Variants in GMPR observed in about 807,000 individuals in gnomAD.
The protein encoded by GMPR is guanosine monophosphate reductase, also known as GMP reductase 1.
In GMPR, 31 loss-of-function variants were observed where a neutral mutation model predicts 38.4. The ratio of observed to expected loss-of-function variants is 0.81; its 90% CI spans 0.61 to 1.09. GMPR has a LOEUF of 1.09. Among genes scored for constraint, GMPR ranks in the 50% least tolerant of loss-of-function variants. The pLI, the probability that GMPR is intolerant of heterozygous loss-of-function variation, is 0.00. For synonymous variants in GMPR, 162 were observed against 173.3 expected (o/e 0.93, Z 0.51); for missense variants, 468 against 453.7 (o/e 1.03, Z -0.29).
At chr6:16,282,158 C>T (rs992251973) in intron 6 of GMPR, among the ~76,000 whole-genome samples, 2 of 152,222 alleles carry the variant, frequency 1.3e-5, no homozygotes, top group African/African-American at 4.8e-5. Flanking sequence ...AAGGAAGCCA[C>T]AACATGGTGT....
intron 4 of GMPR, among the ~76,000 whole-genome samples, chr6:16,256,169 T>TCACA (rs976837854): frequency 6.8e-6 from 1 of 146,312 alleles, no homozygotes; most frequent in African/African-American, 2.5e-5. Context: ...TGAGCCGAGA[T>TCACA]CACACCACTG....
At chr6:16,283,287 ATGT>A (rs1349290157) in intron 6 of GMPR, among the ~76,000 whole-genome samples, 4 of 152,322 alleles carry the variant, frequency 2.6e-5, no homozygotes, top group Admixed American at 2.0e-4. Context: ...ACAAGCCCAA[ATGT>A]TGTTGTTTTT....
intron 1 of GMPR, among the ~76,000 whole-genome samples, chr6:16,244,415 G>A (rs527512395): frequency 1.3e-5 from 2 of 152,064 alleles, no homozygotes; most frequent in South Asian, 2.1e-4. Flanking sequence ...GGGTTTCACC[G>A]TGTTGCCCAG....
At chr6:16,269,178 C>T (rs1028384156) in intron 4 of GMPR, among the ~76,000 whole-genome samples, 1 of 151,846 alleles carries the variant, frequency 6.6e-6, no homozygotes, top group Non-Finnish European at 1.5e-5. Flanking sequence ...AAGAGCTGGG[C>T]CCTGTGCTAA....
intron 1 of GMPR, among the ~76,000 whole-genome samples, chr6:16,243,216 A>C (rs1399515926): frequency 6.6e-6 from 1 of 152,242 alleles, no homozygotes. Flanking sequence ...TATGTCCAGC[A>C]CAAAGGTGGT....
chr6:16,288,029 CTTGTT>C (rs1186793742), intron 7 of GMPR, among the ~76,000 whole-genome samples: 1 of 152,224 alleles, frequency 6.6e-6, no homozygotes, highest in Non-Finnish European at 1.5e-5. Flanking sequence ...CTGCTACTGT[CTTGTT>C]CTGTTCTAAA....
chr6:16,239,860 CAT>C (rs1279648854), intron 1 of GMPR, among the ~76,000 whole-genome samples: 1 of 152,242 alleles, frequency 6.6e-6, no homozygotes, highest in Non-Finnish European at 1.5e-5. Context: ...TAAGCAGCAG[CAT>C]TGGCTGGTTT....
At chr6:16,260,800 A>G (rs532376654) in intron 4 of GMPR, among the ~76,000 whole-genome samples, 88 of 151,938 alleles carry the variant, frequency 5.8e-4, no homozygotes, top group South Asian at 1.9e-3. Context: ...GGGGAAATGG[A>G]GTGAATGTCA....
At position 16,293,361 on chromosome 6, in the gene GMPR, C is replaced by T. The variant is rs141313727; in HGVS notation, c.858-1645C>T. ...GTAATTGCAGGCACAAGTGTACAGA[C>T]GCCTGTCTGGGGTCACGGAGTGCTG... On this transcript the variant is annotated intron_variant, in intron 8 of 8. Coordinates refer to ENST00000259727, the MANE Select transcript of GMPR (RefSeq NM_006877.4). Among the ~76,000 whole-genome samples, 334 of 152,312 alleles carry T rather than the reference C, an allele frequency of 2.2e-3. 1 individual carries two copies. The highest frequency in any genetic ancestry group is 3.5e-3 in the Admixed American group (54 of 15,302).
intron 6 of GMPR, among the ~76,000 whole-genome samples, chr6:16,281,486 GTTTTTACT>G (rs1215607745): frequency 6.6e-6 from 1 of 151,886 alleles, no homozygotes; most frequent in Non-Finnish European, 1.5e-5. Context: ...TTTCTTTTTA[GTTTTTACT>G]TTTTTATTTT....
chr6:16,265,812 C>T (rs1338168527), intron 4 of GMPR, among the ~76,000 whole-genome samples: 2 of 152,240 alleles, frequency 1.3e-5, no homozygotes, highest in Admixed American at 6.5e-5. Context: ...CACTCCGGAA[C>T]CCTTCCACGC....
chr6:16,266,143 GAGCTGTAACACTTGCCA>G (rs1759211078), intron 4 of GMPR, among the ~76,000 whole-genome samples: 1 of 126,668 alleles, frequency 7.9e-6, no homozygotes. Context: ...CCATCTTTAA[GAGCTGTAACACTTGCCA>G]TCTTTAAGAG....
chr6:16,244,675 C>T (rs935492146), intron 1 of GMPR, among the ~76,000 whole-genome samples: 4 of 152,020 alleles, frequency 2.6e-5, no homozygotes, highest in African/African-American at 4.8e-5. Flanking sequence ...CTATATTTGG[C>T]GTATTGGCCG....
chr6:16,269,259 C>G (rs1183479936), intron 4 of GMPR, among the ~76,000 whole-genome samples: 1 of 151,998 alleles, frequency 6.6e-6, no homozygotes, highest in Non-Finnish European at 1.5e-5. Flanking sequence ...CATTTTATAG[C>G]AGGATAAATG....
chr6:16,281,969 G>A (rs1759582027), intron 6 of GMPR, among the ~76,000 whole-genome samples: 1 of 152,202 alleles, frequency 6.6e-6, no homozygotes, highest in South Asian at 2.1e-4. Flanking sequence ...AGCAGCCATT[G>A]CCCCCACACT....
intron 4 of GMPR, among the ~76,000 whole-genome samples, chr6:16,268,125 T>G (rs1759304092): frequency 6.6e-6 from 1 of 152,220 alleles, no homozygotes; most frequent in African/African-American, 2.4e-5. Context: ...CAGGCCGTGT[T>G]CCCTGGATTT....
At chr6:16,261,010 A>G (rs550896758) in intron 4 of GMPR, among the ~76,000 whole-genome samples, 2 of 152,130 alleles carry the variant, frequency 1.3e-5, no homozygotes, top group South Asian at 2.1e-4. Context: ...TGAGAAATGT[A>G]GAGAGTAAGT....
At chr6:16,266,449 C>A (rs1759230821) in intron 4 of GMPR, among the ~76,000 whole-genome samples, 1 of 114,484 alleles carries the variant, frequency 8.7e-6, no homozygotes, top group African/African-American at 3.2e-5. Context: ...GGACGTGCCA[C>A]CTTTAAGAGC....
chr6:16,273,454 G>C (rs962997549), intron 4 of GMPR, among the ~76,000 whole-genome samples: 41 of 152,176 alleles, frequency 2.7e-4, no homozygotes, highest in African/African-American at 9.7e-4. Context: ...TGCAGTGAAA[G>C]AGCTTGTACT....
Sources: allele counts gnomAD v4.1 joint callset (sites outside exome capture counted in the v4.1 genomes callset), GRCh38; gene constraint gnomAD v4.1.1; transcripts MANE v1.5; gene names NCBI Gene and HGNC (gene_info 2026-07-23, HGNC 2026-07-21).